The following FABP12 variants were observed in gnomAD, a reference collection of about 807,000 sequenced individuals.
FABP12 encodes fatty acid binding protein 12.
A neutral mutation model predicts 13.7 loss-of-function variants in FABP12; 19 were observed. The observed-to-expected ratio is 1.39, with a 90% confidence interval of 0.97 to 2.04. The LOEUF is 2.04. FABP12 is among the 30% of genes most tolerant of loss of function. The pLI, the probability that FABP12 is intolerant of heterozygous loss-of-function variation, is 0.00. For synonymous variants in FABP12, 61 were observed against 57.0 expected (o/e 1.07, Z -0.32); for missense variants, 182 against 164.2 (o/e 1.11, Z -0.59).
At chr8:81,526,784 G>C (rs1280904490) in intron 4 of FABP12, among the ~76,000 whole-genome samples, 1 of 152,118 alleles carries the variant, frequency 6.6e-6, no homozygotes, top group Admixed American at 6.5e-5. Flanking sequence ...TGTTTTACCT[G>C]TGAGTCAAAG....
chr8:81,578,532 C>T (rs2130095597), intron 1 of FABP12, among the ~76,000 whole-genome samples: 1 of 149,200 alleles, frequency 6.7e-6, no homozygotes, highest in South Asian at 2.1e-4. Flanking sequence ...GTCGCCCAGG[C>T]TGGAGTGCAA....
At chr8:81,573,544 A>G (rs905525581) in intron 1 of FABP12, among the ~76,000 whole-genome samples, 1 of 152,146 alleles carries the variant, frequency 6.6e-6, no homozygotes, top group Non-Finnish European at 1.5e-5. Context: ...TTTTGGCAGT[A>G]TGGTCATTTT....
chr8:81,556,726 A>G (rs1359169788), intron 1 of FABP12, among the ~76,000 whole-genome samples: 4 of 147,412 alleles, frequency 2.7e-5, no homozygotes, highest in African/African-American at 7.4e-5. Flanking sequence ...TTATATATAT[A>G]AAAATATATA....
At chr8:81,564,954 T>C (rs895273887) in intron 1 of FABP12, among the ~76,000 whole-genome samples, 1 of 151,822 alleles carries the variant, frequency 6.6e-6, no homozygotes, top group South Asian at 2.1e-4. Context: ...ATTTCACATG[T>C]AATGACACAT....
chr8:81,550,134 C>A (rs1563549327), intron 1 of FABP12, among the ~76,000 whole-genome samples: 1 of 152,286 alleles, frequency 6.6e-6, no homozygotes, highest in East Asian at 1.9e-4. Flanking sequence ...CATATACCCA[C>A]TTATCCTATT....
upstream of FABP12, among the ~76,000 whole-genome samples, chr8:81,537,386 C>G (rs762627998): frequency 6.6e-6 from 1 of 152,088 alleles, no homozygotes; most frequent in African/African-American, 2.4e-5. Flanking sequence ...AGAAATAGCC[C>G]TCAGTAGCTA....
At chr8:81,560,750 A>G (rs1809708848) in intron 1 of FABP12, among the ~76,000 whole-genome samples, 2 of 152,208 alleles carry the variant, frequency 1.3e-5, no homozygotes, top group Non-Finnish European at 2.9e-5. Flanking sequence ...AGAAGCACAG[A>G]CTGCAGAGAT....
At chr8:81,536,404 A>G (rs1267085296), upstream of FABP12, among the ~76,000 whole-genome samples, 1 of 152,326 alleles carries the variant, frequency 6.6e-6, no homozygotes, top group East Asian at 1.9e-4. Context: ...AGCAGGCAAG[A>G]TTTTCCAGTC....
intron 1 of FABP12, among the ~76,000 whole-genome samples, chr8:81,573,352 C>T (rs1267360500): frequency 6.6e-6 from 1 of 152,090 alleles, no homozygotes; most frequent in Non-Finnish European, 1.5e-5. Flanking sequence ...GTGACCATGG[C>T]CTTATAGTAT....
chr8:81,573,988 T>C (rs993969449), intron 1 of FABP12, among the ~76,000 whole-genome samples: 1 of 152,198 alleles, frequency 6.6e-6, no homozygotes, highest in African/African-American at 2.4e-5. Flanking sequence ...TCCAGTACTA[T>C]GTTGAAGAGG....
chr8:81,570,000 G>A (rs1311125627), intron 1 of FABP12, among the ~76,000 whole-genome samples: 1 of 152,240 alleles, frequency 6.6e-6, no homozygotes, highest in Admixed American at 6.5e-5. Context: ...GAGCTGCAAG[G>A]AGCATGGGGT....
intron 1 of FABP12, among the ~76,000 whole-genome samples, chr8:81,580,622 T>C (rs1200753196): frequency 6.6e-6 from 1 of 152,184 alleles, no homozygotes; most frequent in Non-Finnish European, 1.5e-5. Context: ...ACACATTCTA[T>C]GGACAAAGCA....
intron 1 of FABP12, among the ~76,000 whole-genome samples, chr8:81,564,555 A>G (rs945644572): frequency 6.6e-6 from 1 of 152,086 alleles, no homozygotes; most frequent in Non-Finnish European, 1.5e-5. Context: ...CAAATGTAAA[A>G]TGTAGTTTGT....
At chr8:81,528,039 T>C (rs1808954802) in intron 3 of FABP12, among the ~76,000 whole-genome samples, 1 of 152,174 alleles carries the variant, frequency 6.6e-6, no homozygotes, top group Non-Finnish European at 1.5e-5. Flanking sequence ...AGAAGGCCTC[T>C]TTCCTCTTCT....
chr8:81,531,546 G>C (rs74854648), intron 1 of FABP12, among the ~76,000 whole-genome samples, 156 bp from the exon 2 acceptor site: 2 of 152,122 alleles, frequency 1.3e-5, no homozygotes, highest in African/African-American at 4.8e-5. Context: ...AAACACAGTA[G>C]AGTGTTTAGC....
At chr8:81,566,107 T>C (rs185692294) in intron 1 of FABP12, among the ~76,000 whole-genome samples, 1 of 151,894 alleles carries the variant, frequency 6.6e-6, no homozygotes, top group Non-Finnish European at 1.5e-5. Flanking sequence ...CCTACCAAGA[T>C]TGAACCATAA....
At chr8:81,541,834 A>G (rs567747155) in intron 1 of FABP12, among the ~76,000 whole-genome samples, 1 of 143,184 alleles carries the variant, frequency 7.0e-6, no homozygotes, top group Non-Finnish European at 1.5e-5. Flanking sequence ...AGTATCCAGA[A>G]ATAGGACAGC....
chr8:81,531,915 A>C (rs1400936342), intron 1 of FABP12, among the ~76,000 whole-genome samples: 1 of 151,536 alleles, frequency 6.6e-6, no homozygotes, highest in Non-Finnish European at 1.5e-5. Flanking sequence ...AGAAAAAAGA[A>C]AGGAAAGAGA....
chr8:81,588,604 T>G (rs762394074), intron 1 of FABP12, among the ~76,000 whole-genome samples: 15 of 152,228 alleles, frequency 9.9e-5, no homozygotes, highest in Non-Finnish European at 1.5e-4. Context: ...TAAGGCTAAT[T>G]TGACTTTTTC....
Sources: allele counts gnomAD v4.1 joint callset (sites outside exome capture counted in the v4.1 genomes callset), GRCh38; gene constraint gnomAD v4.1.1; transcripts MANE v1.5; gene names NCBI Gene and HGNC (gene_info 2026-07-23, HGNC 2026-07-21).